AKAP13: variants seen among roughly 807,000 people sequenced by gnomAD.
The protein encoded by AKAP13 is A-kinase anchoring protein 13.
A neutral mutation model predicts 264.5 loss-of-function variants in AKAP13; 80 were observed. That is an observed-to-expected ratio of 0.30 (90% CI 0.25 to 0.36). AKAP13 has a LOEUF of 0.36. Ranked by LOEUF, AKAP13 falls within the 10% of genes least tolerant of loss-of-function variation. The probability of loss-of-function intolerance (pLI) is 1.00; values close to 1 mark genes in which losing one functional copy is unlikely to be tolerated. For missense variants in AKAP13, 3,712 were observed against 3,435.2 expected (o/e 1.08, Z -2.01); for synonymous variants, 1,380 against 1,250.2 (o/e 1.10, Z -2.19).
rs141683612 is a variant in AKAP13, at chr15:85,543,745, T to TA, written c.479-26dup. ...TTTTTGTTTTTATATTTTCCTCACTTACGTTCATTTTCTCCCCCATTTACA... is the reference window on the plus strand; with the variant it reads ...TTTTTGTTTTTATATTTTCCTCACTTAACGTTCATTTTCTCCCCCATTTACA... On this transcript the variant is annotated intron_variant, in intron 4 of 36. Coordinates refer to ENST00000394518, the MANE Select transcript of AKAP13 (RefSeq NM_007200.5). The TA allele has an allele frequency of 1.7e-3, 2,729 of 1,575,318 alleles. 43 individuals carry two copies. The African/African-American group carries it at 0.033, about 19-fold the overall frequency.
At chr15:85,397,807 A>C (rs1035390486) in intron 1 of AKAP13, among the ~76,000 whole-genome samples, 12 of 152,262 alleles carry the variant, frequency 7.9e-5, no homozygotes, top group African/African-American at 2.7e-4. Flanking sequence ...AATAAGATGT[A>C]GTCACTGCCC....
intron 14 of AKAP13, among the ~76,000 whole-genome samples, chr15:85,680,812 G>GT (rs1384628073): frequency 6.6e-6 from 1 of 152,104 alleles, no homozygotes; most frequent in Non-Finnish European, 1.5e-5. Flanking sequence ...TAATCTGGGA[G>GT]TTTTTTTGTT....
At position 85,581,768 on chromosome 15, in the gene AKAP13, G is replaced by T. The variant is rs746433644; in HGVS notation, c.3700G>T (p.Val1234Phe). 13 of 1,614,144 alleles carry T rather than the reference G, an allele frequency of 8.1e-6. No homozygotes were observed. The highest frequency in any genetic ancestry group is 1.0e-5 in the Non-Finnish European group (12 of 1,179,996). ...GAGCACTCCCTCTCTACCTTGCATG[G>T]TCTCTGCCCAGGACGCACCTCTGCC... ...ERSTPSLPCM[V>F]SAQDAPLPKG... Residue 1234 changes from valine to phenylalanine, a missense_variant, in exon 7 of 37, where the codon GTC (valine) becomes TTC (phenylalanine). Val to Phe is a conservative substitution (Grantham distance 50, BLOSUM62 -1). This residue lies in a region of AKAP13 where 2,759 missense variants were observed against 2,411.7 expected (regional missense o/e 1.14). Coordinates refer to ENST00000394518, the MANE Select transcript of AKAP13 (RefSeq NM_007200.5).
chr15:85,436,685 A>G (rs1250122585), intron 1 of AKAP13, among the ~76,000 whole-genome samples: 237 of 148,762 alleles, frequency 1.6e-3, no homozygotes, highest in Non-Finnish European at 2.6e-3. Flanking sequence ...GCTCAACTAC[A>G]TGGAAACTGA....
chr15:85,525,186 T>A (rs182880890), intron 3 of AKAP13, among the ~76,000 whole-genome samples: 1 of 151,170 alleles, frequency 6.6e-6, no homozygotes, highest in East Asian at 2.0e-4. Flanking sequence ...AGCCTCCGAG[T>A]AGCTGGGACT....
intron 17 of AKAP13, among the ~76,000 whole-genome samples, chr15:85,693,775 A>G (rs1007342914): frequency 1.3e-5 from 2 of 152,168 alleles, no homozygotes; most frequent in Non-Finnish European, 2.9e-5. Flanking sequence ...CGTTTTTCAC[A>G]TTTAGTGCAG....
chr15:85,730,773 C>A, intron 30 of AKAP13, 66 bp downstream of exon 30: 1 of 1,404,492 alleles, frequency 7.1e-7, no homozygotes, highest in Non-Finnish European at 9.6e-7. Flanking sequence ...CTAATATTAC[C>A]TGCCAGTTTT....
Position 85,681,760 on chromosome 15 carries a change from G to A in AKAP13, c.5102-398G>A, listed in dbSNP as rs571607889. The stretch of plus-strand genomic sequence containing the variant: ...AGAAACATATAAAAGCAGTATTAAC[G>A]GATAAAATATGACATTTAATTTCCT... On this transcript the variant is annotated intron_variant, in intron 14 of 36. Transcript: ENST00000394518. Among the ~76,000 whole-genome samples the A allele has an allele frequency of 6.7e-5, 9 of 134,936 alleles. No homozygotes were observed. The South Asian group carries it at 1.4e-3, about 20-fold the overall frequency. 88.5% of individuals were successfully genotyped at this position (134,936 alleles called of 152,430 possible). A position where few individuals can be genotyped will look rare whatever the true frequency, so the allele number is the denominator to read the frequency against.
Position 85,655,556 on chromosome 15 carries a change from G to A in AKAP13, c.4514G>A (p.Arg1505Gln), listed in dbSNP as rs190482993. Reference sequence around the variant, plus strand: ...TTAAAGCCAAACAGGTCAAGAGATCGGCAAAGCCTTGATGGATTCTACAGC... The same window carrying A: ...TTAAAGCCAAACAGGTCAAGAGATCAGCAAAGCCTTGATGGATTCTACAGC... ...QILKPNRSRDRQSLDGFYSHG... is the reference protein window; with the variant it reads ...QILKPNRSRDQQSLDGFYSHG... The change falls in exon 11 of 37, where the codon CGG becomes CAG. Residue 1505 changes from arginine to glutamine, a missense_variant. By Grantham distance (43) the Arg-to-Gln change is conservative. Around this residue, in one of 3 missense-constraint regions of AKAP13, gnomAD observed 2,759 missense variants for 2,411.7 expected, o/e 1.14. Coordinates refer to ENST00000394518, the MANE Select transcript of AKAP13 (RefSeq NM_007200.5). 9.3e-6 allele frequency: 15 copies of A among 1,614,168 alleles called. No individual in the cohort carries two copies. The Admixed American group carries it at 1.7e-4, about 18-fold the overall frequency.
chr15:85,664,488 C>T, intron 12 of AKAP13, 75 bp from the exon 13 acceptor site: 4 of 1,446,298 alleles, frequency 2.8e-6, no homozygotes, highest in Non-Finnish European at 3.7e-6. Flanking sequence ...GAGATATACC[C>T]AAAGGGATTT....
In AKAP13 at chr15:85,542,702, C is replaced by T. The variant is rs543468246; in HGVS notation, c.479-1070C>T. ...GGCATCCCTGCAAAGACCTCAGCTC[C>T]TGTCATCCTAGGTTGGGCACTGAGG... On this transcript the variant is annotated intron_variant, in intron 4 of 36. Coordinates refer to ENST00000394518, the MANE Select transcript of AKAP13 (RefSeq NM_007200.5). Among the ~76,000 whole-genome samples, 6 of 152,286 alleles carry T rather than the reference C, an allele frequency of 3.9e-5. 1 individual carries two copies. Among genetic ancestry groups the T allele is most frequent in the African/African-American group, 1.4e-4 (6 of 41,562 alleles).
chr15:85,703,695 T>G (rs2151674830), intron 17 of AKAP13, among the ~76,000 whole-genome samples: 1 of 152,002 alleles, frequency 6.6e-6, no homozygotes, highest in East Asian at 1.9e-4. Context: ...TACAAAAAAT[T>G]AGTCAGGCGT....
chr15:85,520,423 A>G (rs2076775295), intron 2 of AKAP13, among the ~76,000 whole-genome samples: 1 of 144,010 alleles, frequency 6.9e-6, no homozygotes, highest in Non-Finnish European at 1.5e-5. Context: ...GCTTGAACCT[A>G]GGAGTTGGAG....
chr15:85,475,208 C>G (rs1046840366), intron 1 of AKAP13, among the ~76,000 whole-genome samples: 1 of 152,124 alleles, frequency 6.6e-6, no homozygotes. Flanking sequence ...ACATAAAACC[C>G]AGCTGTGTAA....
At chr15:85,700,088 A>G (rs2085822685) in intron 17 of AKAP13, among the ~76,000 whole-genome samples, 1 of 152,218 alleles carries the variant, frequency 6.6e-6, no homozygotes, top group Non-Finnish European at 1.5e-5. Flanking sequence ...TTAGCCTTGT[A>G]TTGCCATTGA....
At chr15:85,576,619 T>A (rs2151300950) in intron 6 of AKAP13, among the ~76,000 whole-genome samples, 1 of 152,350 alleles carries the variant, frequency 6.6e-6, no homozygotes, top group Middle Eastern at 3.4e-3. Context: ...TAATTTCATT[T>A]AAGGTCAGCT....
At chr15:85,707,249 C>T (rs2086342669) in intron 17 of AKAP13, among the ~76,000 whole-genome samples, 1 of 152,234 alleles carries the variant, frequency 6.6e-6, no homozygotes, top group Non-Finnish European at 1.5e-5. Flanking sequence ...GGTAAGCCTT[C>T]TGAGACACAG....
chr15:85,393,986 A>G (rs567561082), intron 1 of AKAP13, among the ~76,000 whole-genome samples: 14 of 152,356 alleles, frequency 9.2e-5, no homozygotes, highest in African/African-American at 2.6e-4. Context: ...ACTTGCCAAT[A>G]GAATTGTGGA....
intron 2 of AKAP13, among the ~76,000 whole-genome samples, chr15:85,490,362 T>C (rs2075687431): frequency 1.3e-5 from 2 of 152,320 alleles, no homozygotes; most frequent in Non-Finnish European, 2.9e-5. Context: ...TCTTTACACA[T>C]GTTAAATAAA....
Sources: allele counts gnomAD v4.1 joint callset (sites outside exome capture counted in the v4.1 genomes callset), GRCh38; gene constraint gnomAD v4.1.1; regional missense constraint gnomAD v4.1.1; transcripts MANE v1.5; gene names NCBI Gene and HGNC (gene_info 2026-07-23, HGNC 2026-07-21).